The following C3orf49 variants were observed in gnomAD, a reference collection of about 807,000 sequenced individuals.
C3orf49 encodes the protein chromosome 3 open reading frame 49, also known as putative uncharacterized protein C3orf49.
C3orf49 carries 27 observed loss-of-function variants against 13.3 expected under a neutral mutation model. That is an observed-to-expected ratio of 2.02 (90% CI 1.49 to 2.79). The LOEUF (loss-of-function observed/expected upper bound fraction) is 2.79, where lower values mean the gene tolerates loss of function less well. Ranked by LOEUF, C3orf49 falls within the 30% of genes most tolerant of loss-of-function variation. C3orf49 has a pLI of 0.00. For synonymous variants in C3orf49, 87 were observed against 47.6 expected (o/e 1.83, Z -3.40); for missense variants, 242 against 134.2 (o/e 1.80, Z -3.97).
At chr3:63,805,922 T>A in the C3orf49 span, among the ~76,000 whole-genome samples, 2 of 152,222 alleles carry the variant, frequency 1.3e-5, no homozygotes, top group Non-Finnish European at 2.9e-5. Context: ...CAGCAAGGGC[T>A]GGTCTTTTTT....
upstream of C3orf49, among the ~76,000 whole-genome samples, chr3:63,815,955 T>G (rs536738697): frequency 1.2e-4 from 18 of 151,582 alleles, no homozygotes; most frequent in African/African-American, 4.1e-4. Flanking sequence ...CCAGCTAATT[T>G]TTCTATTTTT....
At chr3:63,831,894 T>C (rs1175133584) in intron 5 of C3orf49, 50 bp downstream of exon 5, 1 of 680,316 alleles carries the variant, frequency 1.5e-6, no homozygotes, top group Non-Finnish European at 2.7e-6. Flanking sequence ...TCCTGATTCT[T>C]TAAAAGTTAT....
intron 5 of C3orf49, chr3:63,834,304 A>C: frequency 9.4e-7 from 1 of 1,066,498 alleles, no homozygotes. Context: ...ATACAATTAA[A>C]GCTAAGATGG....
chr3:63,820,065 G>C (rs548022103), intron 1 of C3orf49, among the ~76,000 whole-genome samples: 18 of 152,268 alleles, frequency 1.2e-4, no homozygotes, highest in African/African-American at 2.6e-4. Context: ...AACTGCCTTA[G>C]ACTTGCTATT....
At chr3:63,815,886 G>A (rs1448385238), upstream of C3orf49, among the ~76,000 whole-genome samples, 7 of 150,748 alleles carry the variant, frequency 4.6e-5, no homozygotes, top group South Asian at 2.1e-4. Context: ...GCGTGAAGCC[G>A]GGAGGTTCTC....
chr3:63,838,018 T>A (rs1164754115), intron 5 of C3orf49: 1 of 1,609,996 alleles, frequency 6.2e-7, no homozygotes, highest in Non-Finnish European at 8.5e-7. Flanking sequence ...AGAATTTGCT[T>A]TTTGCACTCA....
intron 5 of C3orf49, among the ~76,000 whole-genome samples, chr3:63,844,562 A>C (rs1490605470): frequency 6.6e-6 from 1 of 152,230 alleles, no homozygotes; most frequent in Admixed American, 6.5e-5. Flanking sequence ...GGAACCTTGA[A>C]GAGGTGACTG....
At chr3:63,831,623 GATTTT>G (rs1701532320) in intron 4 of C3orf49, 52 bp from the exon 5 acceptor site, 1 of 680,006 alleles carries the variant, frequency 1.5e-6, no homozygotes, top group Non-Finnish European at 2.6e-6. Flanking sequence ...CTATCCCTTT[GATTTT>G]GACAAGGCTT....
At chr3:63,799,555 T>C in the C3orf49 span, among the ~76,000 whole-genome samples, 1 of 152,194 alleles carries the variant, frequency 6.6e-6, no homozygotes, top group African/African-American at 2.4e-5. Flanking sequence ...AATATTATAG[T>C]TTAATAATGC....
the C3orf49 span, among the ~76,000 whole-genome samples, chr3:63,807,439 C>T: frequency 6.6e-6 from 1 of 152,080 alleles, no homozygotes; most frequent in Admixed American, 6.5e-5. Context: ...TGTTATACAG[C>T]TAATCAGTGG....
chr3:63,799,742 A>G, the C3orf49 span, among the ~76,000 whole-genome samples: 4 of 152,152 alleles, frequency 2.6e-5, no homozygotes, highest in African/African-American at 2.4e-5. Flanking sequence ...CATTTTCCCA[A>G]TTTTACAGTT....
At chr3:63,828,092 T>C (rs1343015404) in intron 3 of C3orf49, among the ~76,000 whole-genome samples, 1 of 152,246 alleles carries the variant, frequency 6.6e-6, no homozygotes, top group Non-Finnish European at 1.5e-5. Context: ...TAAGTATGCA[T>C]TGTCCAATAT....
chr3:63,815,002 A>T (rs1701308259), upstream of C3orf49, among the ~76,000 whole-genome samples: 2 of 152,298 alleles, frequency 1.3e-5, no homozygotes, highest in South Asian at 2.1e-4. Flanking sequence ...GAGCTTGCAC[A>T]TCACTACGTG....
At chr3:63,810,396 A>G in the C3orf49 span, among the ~76,000 whole-genome samples, 1 of 152,196 alleles carries the variant, frequency 6.6e-6, no homozygotes, top group Non-Finnish European at 1.5e-5. Flanking sequence ...CAGTACTAAG[A>G]ACAGTGTCTG....
At chr3:63,834,058 C>A in intron 5 of C3orf49, 2 of 1,455,120 alleles carry the variant, frequency 1.4e-6, no homozygotes, top group Non-Finnish European at 1.9e-6. Flanking sequence ...ATCTCAAGAG[C>A]ATACCACATT....
At chr3:63,824,473 T>C (rs915115105) in intron 2 of C3orf49, among the ~76,000 whole-genome samples, 5 of 152,190 alleles carry the variant, frequency 3.3e-5, no homozygotes, top group East Asian at 1.9e-4. Flanking sequence ...ATTAATGCCA[T>C]GTGGCATCCT....
the C3orf49 span, among the ~76,000 whole-genome samples, chr3:63,805,636 T>A: frequency 2.6e-5 from 4 of 152,254 alleles, no homozygotes; most frequent in African/African-American, 9.6e-5. Context: ...ATGCTCTGCA[T>A]GCTTTGGGTC....
chr3:63,842,584 G>T (rs982194967), intron 5 of C3orf49, among the ~76,000 whole-genome samples: 1 of 152,150 alleles, frequency 6.6e-6, no homozygotes, highest in African/African-American at 2.4e-5. Context: ...TATTCTAAGT[G>T]AAGTAACTCA....
chr3:63,846,984 C>T (rs1286947831), intron 6 of C3orf49, among the ~76,000 whole-genome samples: 1 of 152,082 alleles, frequency 6.6e-6, no homozygotes, highest in African/African-American at 2.4e-5. Context: ...GGGTGCTTCC[C>T]CAAATAAGCA....
Sources: gnomAD v4.1 joint callset for allele counts (sites outside exome capture counted in the v4.1 genomes callset) on GRCh38, gnomAD v4.1.1 for gene constraint, MANE v1.5 for transcripts, NCBI Gene and HGNC (gene_info 2026-07-23, HGNC 2026-07-21) for gene names.